Variants in CHODL observed in about 807,000 individuals in gnomAD.
The protein encoded by CHODL is chondrolectin, also known as transmembrane protein MT75.
Under a neutral mutation model 34.5 loss-of-function variants are expected in CHODL, and 29 were observed. That is an observed-to-expected ratio of 0.84 (90% CI 0.63 to 1.15). CHODL has a LOEUF of 1.15. CHODL is among the 50% of genes most tolerant of loss of function. The pLI is 0.00. For synonymous variants in CHODL, 125 were observed against 116.1 expected (o/e 1.08, Z -0.49); for missense variants, 332 against 332.5 (o/e 1.00, Z 0.01).
intron 2 of CHODL, among the ~76,000 whole-genome samples, chr21:18,211,139 G>GAAAC (rs2073769417): frequency 2.9e-5 from 1 of 34,572 alleles, no homozygotes; most frequent in African/African-American, 1.1e-4. Context: ...CCTACACATG[G>GAAAC]ATACACACAC....
In CHODL at chr21:18,262,887, A is replaced by C; in HGVS notation, c.731A>C (p.His244Pro). 3 of 1,582,510 alleles carry C rather than the reference A, an allele frequency of 1.9e-6. No individual in the cohort carries two copies. Among genetic ancestry groups the C allele is most frequent in the Non-Finnish European group, 2.6e-6 (3 of 1,151,874 alleles). Residue 244 changes from histidine to proline, a missense_variant, in exon 5 of 6, where the codon CAT becomes CCT. Physicochemically the swap from His to Pro is moderately conservative, Grantham distance 77. Coordinates refer to ENST00000299295, the MANE Select transcript of CHODL (RefSeq NM_024944.3). Reference sequence around the variant, plus strand: ...GGAACCTGTTGTTTCCAGATGCTGCATAAAAGGTAAATAACTCATATATGT... The same window carrying C: ...GGAACCTGTTGTTTCCAGATGCTGCCTAAAAGGTAAATAACTCATATATGT... ...AFGTCCFQML[H>P]KSKGRTKTSP...
intron 1 of CHODL, among the ~76,000 whole-genome samples, chr21:17,951,122 G>C (rs978673198): frequency 2.0e-5 from 3 of 151,816 alleles, no homozygotes; most frequent in African/African-American, 7.3e-5. Flanking sequence ...GTGTGTGTGT[G>C]TGTGTGTGTG....
chr21:18,064,556 C>A (rs1400287463), intron 2 of CHODL, among the ~76,000 whole-genome samples: 2 of 152,158 alleles, frequency 1.3e-5, no homozygotes, highest in African/African-American at 4.8e-5. Context: ...TGTACTTGAA[C>A]TGAAATATTG....
chr21:18,253,403 A>C (rs189349857), intron 1 of CHODL, among the ~76,000 whole-genome samples: 3 of 152,228 alleles, frequency 2.0e-5, no homozygotes, highest in East Asian at 3.9e-4. Flanking sequence ...GATAAAATCC[A>C]AGGCAGAAAG....
intron 1 of CHODL, among the ~76,000 whole-genome samples, chr21:17,930,510 T>G (rs1460032910): frequency 2.0e-5 from 3 of 152,240 alleles, no homozygotes; most frequent in African/African-American, 7.2e-5. Context: ...CTGAGTGGTC[T>G]GCCTGCCCTT....
intron 2 of CHODL, among the ~76,000 whole-genome samples, chr21:18,039,203 TC>T (rs2064346185): frequency 6.6e-6 from 1 of 151,678 alleles, no homozygotes; most frequent in African/African-American, 2.4e-5. Flanking sequence ...TACAAATAAA[TC>T]TGAGAGATAT....
At chr21:18,097,766 C>G (rs951599554) in intron 2 of CHODL, among the ~76,000 whole-genome samples, 84 of 151,876 alleles carry the variant, frequency 5.5e-4, no homozygotes, top group African/African-American at 1.9e-3. Context: ...CAAAAGATAC[C>G]TTGAGCAAAA....
intron 1 of CHODL, among the ~76,000 whole-genome samples, chr21:17,917,665 C>A (rs140024974): frequency 1.0e-3 from 152 of 152,250 alleles, no homozygotes; most frequent in African/African-American, 3.6e-3. Flanking sequence ...CATCTGATTA[C>A]CTGGCAGTGC....
intron 2 of CHODL, among the ~76,000 whole-genome samples, chr21:18,234,860 T>C (rs1172874822): frequency 2.6e-5 from 4 of 152,130 alleles, no homozygotes; most frequent in Admixed American, 6.6e-5. Context: ...AATAAGTACA[T>C]GTAAGCAGCT....
intron 1 of CHODL, among the ~76,000 whole-genome samples, chr21:17,926,787 G>A (rs1355249392): frequency 6.6e-6 from 1 of 152,058 alleles, no homozygotes; most frequent in Non-Finnish European, 1.5e-5. Flanking sequence ...AGTTACTAAA[G>A]TGATCGTACT....
At chr21:18,009,690 C>A (rs1297211947) in intron 1 of CHODL, among the ~76,000 whole-genome samples, 1 of 151,970 alleles carries the variant, frequency 6.6e-6, no homozygotes, top group African/African-American at 2.4e-5. Context: ...AAATCGAGAA[C>A]ACCCTGGCTA....
chr21:18,204,736 G>A (rs1263814923), intron 2 of CHODL, among the ~76,000 whole-genome samples: 6 of 152,106 alleles, frequency 3.9e-5, no homozygotes, highest in Non-Finnish European at 4.4e-5. Flanking sequence ...ACACCCCTGA[G>A]TATAACCCTG....
At chr21:18,062,138 A>T (rs990770748) in intron 2 of CHODL, among the ~76,000 whole-genome samples, 2 of 152,218 alleles carry the variant, frequency 1.3e-5, no homozygotes, top group Non-Finnish European at 2.9e-5. Context: ...GGGATAAAGT[A>T]CGTGAGTTCA....
At position 18,262,835 on chromosome 21, in the gene CHODL, C is replaced by A. The variant is rs2074399278; in HGVS notation, c.679C>A (p.Leu227Met). ...LIYVVIPTIPLLLLILVAFGT... is the reference protein window; with the variant it reads ...LIYVVIPTIPMLLLILVAFGT... ...TTATGTTGTTATACCAACAATACCC[C>A]TGCTCTTACTGATACTGGTTGCTTT... The change falls in exon 5 of 6, where the codon CTG (leucine) becomes ATG (methionine). Residue 227 changes from leucine (L) to methionine (M), a missense_variant. By Grantham distance (15) the Leu-to-Met change is conservative. Coordinates refer to ENST00000299295, the MANE Select transcript of CHODL (RefSeq NM_024944.3). 1 of 1,610,248 alleles carries A rather than the reference C, an allele frequency of 6.2e-7. No homozygotes were observed. The highest frequency in any genetic ancestry group is 2.2e-5 in the East Asian group (1 of 44,762).
chr21:17,934,079 T>C (rs2063299557), intron 1 of CHODL, among the ~76,000 whole-genome samples: 1 of 150,218 alleles, frequency 6.7e-6, no homozygotes, highest in Non-Finnish European at 1.5e-5. Flanking sequence ...CACTGGAGAC[T>C]CCAAAAGTTG....
chr21:18,004,199 G>T (rs757800962), intron 1 of CHODL, among the ~76,000 whole-genome samples: 13 of 152,162 alleles, frequency 8.5e-5, no homozygotes, highest in Non-Finnish European at 1.8e-4. Context: ...TTAGTTTGAG[G>T]AGACCTGTAA....
At chr21:18,144,621 C>CT (rs1198471637) in intron 2 of CHODL, among the ~76,000 whole-genome samples, 5 of 152,108 alleles carry the variant, frequency 3.3e-5, no homozygotes, top group Non-Finnish European at 7.4e-5. Flanking sequence ...TCATAACTCT[C>CT]TATTTCTCTA....
intron 2 of CHODL, among the ~76,000 whole-genome samples, chr21:18,120,538 T>C (rs532656079): frequency 1.3e-5 from 2 of 152,246 alleles, no homozygotes; most frequent in East Asian, 1.9e-4. Flanking sequence ...TTCCTGACAA[T>C]AGGTCACACT....
intron 2 of CHODL, among the ~76,000 whole-genome samples, chr21:18,205,735 T>G (rs1219111058): frequency 8.8e-6 from 1 of 113,586 alleles, no homozygotes; most frequent in East Asian, 3.0e-4. Flanking sequence ...TTAAGGAGTA[T>G]ACTTTTTTTT....
Sources: allele counts gnomAD v4.1 joint callset (sites outside exome capture counted in the v4.1 genomes callset), GRCh38; gene constraint gnomAD v4.1.1; transcripts MANE v1.5; gene names NCBI Gene and HGNC (gene_info 2026-07-23, HGNC 2026-07-21).